The following PPP1R12B variants were observed in gnomAD, a reference collection of about 807,000 sequenced individuals.
The protein encoded by PPP1R12B is myosin phosphatase target subunit 2.
A neutral mutation model predicts 126.1 loss-of-function variants in PPP1R12B; 76 were observed. The ratio of observed to expected loss-of-function variants is 0.60; its 90% CI spans 0.50 to 0.73. PPP1R12B has a LOEUF of 0.73. PPP1R12B is among the 30% of genes least tolerant of loss of function. PPP1R12B has a pLI of 0.00. For missense variants in PPP1R12B, 1,052 were observed against 1,205.1 expected (o/e 0.87, Z 1.88); for synonymous variants, 356 against 434.7 (o/e 0.82, Z 2.25).
intron 18 of PPP1R12B, among the ~76,000 whole-genome samples, chr1:202,509,951 G>T (rs1681245697): frequency 6.6e-6 from 1 of 152,114 alleles, no homozygotes; most frequent in Admixed American, 6.5e-5. Flanking sequence ...CTCATATAAG[G>T]TGTGGGAATT....
intron 10 of PPP1R12B, chr1:202,438,622 G>T (rs566081395): frequency 2.0e-6 from 1 of 508,276 alleles, no homozygotes. Flanking sequence ...GCCTGAGCCC[G>T]CCCCGTCCCT....
At chr1:202,479,854 C>T (rs990124140) in intron 13 of PPP1R12B, among the ~76,000 whole-genome samples, 1 of 152,142 alleles carries the variant, frequency 6.6e-6, no homozygotes, top group Non-Finnish European at 1.5e-5. Flanking sequence ...ATTGCATAAG[C>T]CCTCAAAGTG....
At position 202,587,253 on chromosome 1, in the gene PPP1R12B, A is replaced by AT. The variant is rs1313577846; in HGVS notation, c.*6695dup. The AT allele has an allele frequency of 6.6e-6, 1 of 152,050 alleles. No individual in the cohort carries two copies. Among genetic ancestry groups the AT allele is most frequent in the Non-Finnish European group, 1.5e-5 (1 of 68,022 alleles). 9.4% of individuals were successfully genotyped at this position (152,050 alleles called of 1,614,324 possible). A position where few individuals can be genotyped will look rare whatever the true frequency, so the allele number is the denominator to read the frequency against. On this transcript the variant is annotated 3_prime_UTR_variant, in exon 24 of 24. Coordinates refer to ENST00000608999, the MANE Select transcript of PPP1R12B (RefSeq NM_002481.4). ...CCTTTCATCTCCCTCTGCATTCTTA[A>AT]TTCCTTGCTTTTCTCACTTGGAGCC...
At chr1:202,507,958 G>T (rs1383418833) in intron 18 of PPP1R12B, among the ~76,000 whole-genome samples, 1 of 152,212 alleles carries the variant, frequency 6.6e-6, no homozygotes, top group Non-Finnish European at 1.5e-5. Flanking sequence ...TCAGCAAATG[G>T]AATGTTTATA....
Position 202,449,022 on chromosome 1 carries a change from A to G in PPP1R12B, c.1701A>G (p.Ala567=), listed in dbSNP as rs756893743. 2 of 1,613,936 alleles carry G rather than the reference A, an allele frequency of 1.2e-6. No individual in the cohort carries two copies. The highest frequency in any genetic ancestry group is 3.3e-5 in the Admixed American group (2 of 60,002). ...TPHKSQADTT[A]EKTADNVSSS... is the part of the protein sequence containing the mutation. ...ACAAATCCCAGGCCGACACAACAGC[A>G]GAGAAAACAGCAGACAATGTCTCTT... The change falls in exon 13 of 24, where the codon GCA becomes GCG. Residue 567 remains alanine (A), a synonymous_variant. Transcript: ENST00000608999.
intron 18 of PPP1R12B, among the ~76,000 whole-genome samples, chr1:202,557,431 T>C (rs758891640): frequency 5.9e-5 from 9 of 152,178 alleles, no homozygotes; most frequent in Non-Finnish European, 1.3e-4. Flanking sequence ...AGATTAGATA[T>C]ATAAATGTGG....
intron 15 of PPP1R12B, among the ~76,000 whole-genome samples, chr1:202,493,672 G>A (rs1472602143): frequency 1.3e-5 from 2 of 152,128 alleles, no homozygotes; most frequent in African/African-American, 2.4e-5. Context: ...TACTTCTTGT[G>A]TATTAATGCA....
chr1:202,358,681 CAA>C (rs200723132), intron 1 of PPP1R12B, among the ~76,000 whole-genome samples: 67 of 109,124 alleles, frequency 6.1e-4, no homozygotes, highest in Non-Finnish European at 9.8e-4. Flanking sequence ...GACTCCGTCT[CAA>C]AAAAAAAAAA....
intron 1 of PPP1R12B, among the ~76,000 whole-genome samples, chr1:202,379,979 C>T (rs1447731265): frequency 6.6e-6 from 1 of 152,160 alleles, no homozygotes; most frequent in East Asian, 1.9e-4. Context: ...TGAAGCCATT[C>T]ACATGCAGAG....
At chr1:202,425,800 T>C (rs1669426898) in intron 4 of PPP1R12B, 75 bp downstream of exon 4, 2 of 1,415,496 alleles carry the variant, frequency 1.4e-6, no homozygotes, top group African/African-American at 1.4e-5. Flanking sequence ...AGAGGCTGAA[T>C]TAGATTTTCC....
At chr1:202,369,122 G>A (rs1217129055) in intron 1 of PPP1R12B, among the ~76,000 whole-genome samples, 2 of 152,182 alleles carry the variant, frequency 1.3e-5, no homozygotes, top group African/African-American at 4.8e-5. Context: ...GCCTTTAAGA[G>A]GCACGTGAAC....
chr1:202,402,623 G>A (rs1044092169), intron 1 of PPP1R12B, among the ~76,000 whole-genome samples: 10 of 152,278 alleles, frequency 6.6e-5, no homozygotes, highest in Admixed American at 2.0e-4. Flanking sequence ...GAAACAAGAC[G>A]CAGCTTTAAG....
chr1:202,434,730 C>T lies in PPP1R12B; in HGVS notation c.1216C>T (p.Pro406Ser). ...TAGTATCACAGAGCAGATACCAGCA[C>T]CAGCTCAAAATACCTTCTCTGCCTC... ...KSSITEQIPA[P>S]AQNTFSASSA... Residue 406 changes from proline to serine, a missense_variant, in exon 9 of 24, where the codon CCA becomes TCA. Coordinates refer to ENST00000608999, the MANE Select transcript of PPP1R12B (RefSeq NM_002481.4). 6.2e-7 allele frequency: 1 copy of T among 1,613,810 alleles called. No homozygotes were observed.
chr1:202,378,621 A>G (rs1007296714), intron 1 of PPP1R12B, among the ~76,000 whole-genome samples: 38 of 152,148 alleles, frequency 2.5e-4, no homozygotes, highest in Admixed American at 2.5e-3. Context: ...CTGGGATTAC[A>G]GGCATGTGCC....
At chr1:202,444,058 C>CTA (rs533257993) in intron 12 of PPP1R12B, among the ~76,000 whole-genome samples, 91 of 152,232 alleles carry the variant, frequency 6.0e-4, no homozygotes, top group African/African-American at 2.0e-3. Flanking sequence ...TTATAAAAAC[C>CTA]TCTTATGGTC....
intron 18 of PPP1R12B, among the ~76,000 whole-genome samples, chr1:202,498,798 C>T (rs1283509292): frequency 6.6e-6 from 1 of 152,182 alleles, no homozygotes; most frequent in Non-Finnish European, 1.5e-5. Context: ...GAGGGCATTC[C>T]ATTGAAATGG....
intron 13 of PPP1R12B, among the ~76,000 whole-genome samples, chr1:202,466,092 C>T (rs532609597): frequency 4.3e-4 from 66 of 152,306 alleles, no homozygotes; most frequent in African/African-American, 1.5e-3. Flanking sequence ...TAATAGGATT[C>T]ACCTTTGACC....
intron 18 of PPP1R12B, among the ~76,000 whole-genome samples, chr1:202,532,933 G>A (rs149436364): frequency 0.022 from 3,031 of 137,932 alleles, 46 homozygotes; most frequent in Non-Finnish European, 0.028. Context: ...GCAATGTTGC[G>A]ATCTCGGCTC....
At chr1:202,386,571 G>A (rs750557202) in intron 1 of PPP1R12B, among the ~76,000 whole-genome samples, 15 of 152,052 alleles carry the variant, frequency 9.9e-5, no homozygotes, top group African/African-American at 1.7e-4. Context: ...CACCTGCCTC[G>A]GCCTCCCAAA....
Sources: allele counts gnomAD v4.1 joint callset (sites outside exome capture counted in the v4.1 genomes callset), GRCh38; gene constraint gnomAD v4.1.1; transcripts MANE v1.5; gene names NCBI Gene and HGNC (gene_info 2026-07-23, HGNC 2026-07-21).